Variants in CCDC102B observed in about 807,000 individuals in gnomAD.
CCDC102B encodes coiled-coil domain-containing protein 102B.
A neutral mutation model predicts 57.4 loss-of-function variants in CCDC102B; 75 were observed. That is an observed-to-expected ratio of 1.31 (90% CI 1.08 to 1.58). CCDC102B has a LOEUF of 1.58. Among genes scored for constraint, CCDC102B ranks in the 40% most tolerant of loss-of-function variants. CCDC102B has a pLI of 0.00. For synonymous variants in CCDC102B, 206 were observed against 201.9 expected, an observed-to-expected ratio of 1.02 and a Z score of -0.17; for missense variants, 636 against 582.6, an observed-to-expected ratio of 1.09 and a Z score of -0.94.
intron 2 of CCDC102B, among the ~76,000 whole-genome samples, chr18:68,760,237 C>G (rs1412475684): frequency 6.6e-6 from 1 of 151,944 alleles, no homozygotes; most frequent in Non-Finnish European, 1.5e-5. Flanking sequence ...TAGGCTGGCA[C>G]AAATTAAAGT....
chr18:68,870,489 CGAGA>C (rs2039197514), intron 4 of CCDC102B, among the ~76,000 whole-genome samples: 2 of 152,088 alleles, frequency 1.3e-5, no homozygotes, highest in Admixed American at 1.3e-4. Context: ...TCAAGATACA[CGAGA>C]GAAACAACTC....
chr18:68,726,247 C>T lies in CCDC102B; in HGVS notation c.-67+9653C>T, dbSNP rs139726508. On this transcript the variant is annotated intron_variant, in intron 2 of 3. Transcript: ENST00000578970. ...TTTACATATGAAATAACTTGTAGGT[C>T]TGCTCTTCATTCAGTACTAATTGGA... 3.7e-3 allele frequency among the ~76,000 whole-genome samples: 563 copies of T among 152,294 alleles called. 6 individuals carry two copies. The highest frequency in any genetic ancestry group is 0.013 in the African/African-American group (522 of 41,536).
intron 4 of CCDC102B, among the ~76,000 whole-genome samples, chr18:68,861,305 T>TC (rs1257473160): frequency 6.6e-6 from 1 of 151,922 alleles, no homozygotes; most frequent in East Asian, 1.9e-4. Context: ...ATGTTTTTTT[T>TC]TTCTCTGCAC....
chr18:69,054,481 G>A lies in CCDC102B; in HGVS notation c.*344G>A. 1 of 1,006,626 alleles carries A rather than the reference G, an allele frequency of 9.9e-7. No homozygotes were observed. The highest frequency in any genetic ancestry group is 1.2e-6 in the Non-Finnish European group (1 of 844,336). 62.4% of individuals were successfully genotyped at this position (1,006,626 alleles called of 1,614,324 possible). ...AAGTTGAAAACCATACAAGACGCTG[G>A]GTCATTAATAAGAAAACCATTGACT... On this transcript the variant is annotated 3_prime_UTR_variant, in exon 8 of 8. Transcript: ENST00000360242.
intron 2 of CCDC102B, chr18:68,838,321 T>TA: frequency 1.5e-5 from 12 of 778,214 alleles, no homozygotes; most frequent in Non-Finnish European, 1.9e-5. Context: ...TCAAAAATGT[T>TA]AAAAAATGAT....
intron 4 of CCDC102B, among the ~76,000 whole-genome samples, chr18:68,854,925 C>G (rs536385612): frequency 1.3e-5 from 2 of 152,164 alleles, no homozygotes; most frequent in South Asian, 4.1e-4. Context: ...ATTGTTCACA[C>G]GAAAAGACAC....
chr18:68,814,148 G>T (rs1316320912), intron 1 of CCDC102B, among the ~76,000 whole-genome samples: 1 of 152,114 alleles, frequency 6.6e-6, no homozygotes, highest in African/African-American at 2.4e-5. Context: ...TTTATGTTTT[G>T]CTTTAAGAAA....
chr18:68,988,893 G>A (rs1568104781), intron 6 of CCDC102B, among the ~76,000 whole-genome samples: 1 of 152,158 alleles, frequency 6.6e-6, no homozygotes. Flanking sequence ...CACAATGTAG[G>A]TGTGTATTGC....
chr18:68,948,145 G>A (rs900791574), intron 6 of CCDC102B, among the ~76,000 whole-genome samples: 33 of 152,062 alleles, frequency 2.2e-4, no homozygotes, highest in African/African-American at 7.5e-4. Flanking sequence ...AAGCTAAGTA[G>A]AATTTTATAG....
intron 1 of CCDC102B, among the ~76,000 whole-genome samples, chr18:68,827,338 A>C (rs1002880019): frequency 1.3e-5 from 2 of 152,140 alleles, no homozygotes; most frequent in East Asian, 3.8e-4. Flanking sequence ...AAATCATTTT[A>C]TACTCAAGAA....
chr18:69,002,901 T>C (rs934961878), intron 6 of CCDC102B, among the ~76,000 whole-genome samples: 2 of 152,138 alleles, frequency 1.3e-5, no homozygotes, highest in South Asian at 2.1e-4. Context: ...CTCTTCCCCC[T>C]TTTCCTCAAT....
intron 1 of CCDC102B, among the ~76,000 whole-genome samples, chr18:68,826,892 A>T (rs1387215106): frequency 6.6e-6 from 1 of 152,188 alleles, no homozygotes; most frequent in African/African-American, 2.4e-5. Context: ...AAAATGAAAG[A>T]TTTATATGCC....
intron 4 of CCDC102B, among the ~76,000 whole-genome samples, chr18:68,857,885 T>A (rs552183710): frequency 1.3e-3 from 205 of 152,308 alleles, no homozygotes; most frequent in African/African-American, 4.8e-3. Flanking sequence ...TAAACAACTT[T>A]GTGCATGTAT....
intron 2 of CCDC102B, among the ~76,000 whole-genome samples, chr18:68,729,931 C>T (rs1432189603): frequency 6.6e-6 from 1 of 152,228 alleles, no homozygotes; most frequent in East Asian, 1.9e-4. Flanking sequence ...GTGGGCAAAA[C>T]ATATTGACAG....
chr18:68,988,529 C>A (rs1364637734), intron 6 of CCDC102B, among the ~76,000 whole-genome samples: 1 of 146,682 alleles, frequency 6.8e-6, no homozygotes, highest in Non-Finnish European at 1.5e-5. Flanking sequence ...CATGTACCCA[C>A]TGAATCTAAA....
At chr18:68,888,006 G>A (rs574285393) in intron 5 of CCDC102B, among the ~76,000 whole-genome samples, 2 of 152,130 alleles carry the variant, frequency 1.3e-5, no homozygotes, top group Non-Finnish European at 2.9e-5. Context: ...TTAGTTTATG[G>A]CACATGATCA....
chr18:69,032,227 G>A (rs2052165409), intron 7 of CCDC102B, among the ~76,000 whole-genome samples: 1 of 152,058 alleles, frequency 6.6e-6, no homozygotes, highest in African/African-American at 2.4e-5. Context: ...CATCTGTTGT[G>A]CATTAATTGT....
intron 2 of CCDC102B, among the ~76,000 whole-genome samples, chr18:68,773,103 T>A (rs1376138265): frequency 6.6e-6 from 1 of 152,048 alleles, no homozygotes; most frequent in Admixed American, 6.6e-5. Context: ...CAAAAACATG[T>A]CATTAGCCAT....
chr18:68,890,305 G>C (rs1019868983), intron 5 of CCDC102B, among the ~76,000 whole-genome samples: 16 of 151,878 alleles, frequency 1.1e-4, no homozygotes, highest in Admixed American at 2.0e-4. Context: ...GCACAATTAT[G>C]GCTCACTGCA....
Sources: allele counts gnomAD v4.1 joint callset (sites outside exome capture counted in the v4.1 genomes callset), GRCh38; gene constraint gnomAD v4.1.1; transcripts MANE v1.5; gene names NCBI Gene and HGNC (gene_info 2026-07-23, HGNC 2026-07-21).